The following TPSG1 variants were observed in gnomAD, a reference collection of about 807,000 sequenced individuals.
TPSG1 encodes tryptase gamma 1, also known as tryptase gamma.
In TPSG1, 43 loss-of-function variants were observed where a neutral mutation model predicts 23.8. The observed-to-expected ratio is 1.81, with a 90% CI of 1.42 to 2.33. The LOEUF is 2.33. TPSG1 is among the 30% of genes most tolerant of loss of function. The pLI, the probability that TPSG1 is intolerant of heterozygous loss-of-function variation, is 0.00. For synonymous variants in TPSG1, 302 were observed against 201.3 expected, an observed-to-expected ratio of 1.50 and a Z score of -4.23; for missense variants, 623 against 438.6, an observed-to-expected ratio of 1.42 and a Z score of -3.75.
Position 1,222,072 on chromosome 16 carries a change from A to G in TPSG1, c.682T>C (p.Cys228Arg). 6.2e-7 allele frequency: 1 copy of G among 1,612,834 alleles called. No individual in the cohort carries two copies. The highest frequency in any genetic ancestry group is 8.5e-7 in the Non-Finnish European group (1 of 1,179,996). Residue 228 changes from cysteine (C) to arginine (R), a missense_variant, in exon 6 of 6, where the codon TGC becomes CGC. Physicochemically the swap from Cys to Arg is radical, Grantham distance 180. Coordinates refer to ENST00000234798, the MANE Select transcript of TPSG1 (RefSeq NM_012467.4). ...CQDDSGGPLVCQVNGAWVQAG... is the reference protein window; with the variant it reads ...CQDDSGGPLVRQVNGAWVQAG... ...TGCACCCAGGCACCGTTCACCTGGCAGACCAGAGGCCCCCCGGAGTCGTCC... is the reference window on the plus strand; with the variant it reads ...TGCACCCAGGCACCGTTCACCTGGCGGACCAGAGGCCCCCCGGAGTCGTCC...
Position 1,221,970 on chromosome 16 carries a change from C to T in TPSG1, c.784G>A (p.Val262Met), listed in dbSNP as rs58623186. The T allele has an allele frequency of 2.4e-3, 3,829 of 1,612,320 alleles. 84 individuals carry two copies. The African/African-American group carries it at 0.044, about 19-fold the overall frequency. ...GTGATGTGGCGGCGGATCCAGTTCACGTAGGCAGGGACACGAGTGTAGACT... is the reference window on the plus strand; with the variant it reads ...GTGATGTGGCGGCGGATCCAGTTCATGTAGGCAGGGACACGAGTGTAGACT... ...PGVYTRVPAY[V>M]NWIRRHITAS... is the part of the protein sequence containing the mutation. Residue 262 changes from valine to methionine, a missense_variant, in exon 6 of 6, where the codon GTG becomes ATG. By Grantham distance (21) the Val-to-Met change is conservative. Transcript: ENST00000234798.
In TPSG1 at chr16:1,222,642, G is replaced by A. The variant is rs150720936; in HGVS notation, c.511+10C>T. Reference sequence around the variant, plus strand: ...TCCTCCATCCCAGCATCCCCACGGGGGCTCCTCACCTCCCTCCCGCGTATA... The same window carrying A: ...TCCTCCATCCCAGCATCCCCACGGGAGCTCCTCACCTCCCTCCCGCGTATA... On this transcript the variant is annotated intron_variant, in intron 4 of 5. Coordinates refer to ENST00000234798, the MANE Select transcript of TPSG1 (RefSeq NM_012467.4). The A allele has an allele frequency of 1.3e-6, 2 of 1,535,056 alleles. No homozygotes were observed. The highest frequency in any genetic ancestry group is 1.8e-6 in the Non-Finnish European group (2 of 1,136,740).
chr16:1,223,110 C>T (rs1388885011), intron 3 of TPSG1, among the ~76,000 whole-genome samples, 193 bp from the exon 4 acceptor site: 2 of 152,230 alleles, frequency 1.3e-5, no homozygotes, highest in South Asian at 2.1e-4. Context: ...GGGTTCCTGC[C>T]AGCCCCTGGA....
intron 3 of TPSG1, 103 bp downstream of exon 3, chr16:1,223,320 C>G: frequency 5.1e-6 from 7 of 1,377,260 alleles, no homozygotes; most frequent in South Asian, 3.0e-5. Flanking sequence ...CTCAGAGTTC[C>G]CAAGCCTCGG....
intron 5 of TPSG1, 21 bp from the exon 6 acceptor site, chr16:1,222,117 C>T: frequency 4.3e-6 from 7 of 1,612,474 alleles, no homozygotes; most frequent in African/African-American, 1.3e-5. Context: ...AGAAGGCGAG[C>T]ATTGGGAGCC....
rs138549150 is a variant in TPSG1, at chr16:1,225,217, C to G, written c.36G>C (p.Leu12=). The part of the protein sequence containing the change: ...ALGACGLLLL[L]AVPGVSLRTL... ...GGCCAGGTCACCCACCGGGCACAGC[C>G]AGGAGCAGCAGGAGGCCACAGGCCC... The change falls in exon 1 of 6, where the codon CTG becomes CTC. Residue 12 remains leucine (L), a synonymous_variant. Coordinates refer to ENST00000234798, the MANE Select transcript of TPSG1 (RefSeq NM_012467.4). 2.8e-4 allele frequency: 446 copies of G among 1,577,970 alleles called. No homozygotes were observed. Among genetic ancestry groups the G allele is most frequent in the Non-Finnish European group, 3.7e-4 (428 of 1,162,230 alleles).
intron 2 of TPSG1, chr16:1,223,830 A>T (rs1246625774): frequency 1.9e-6 from 1 of 519,948 alleles, no homozygotes; most frequent in African/African-American, 2.0e-5. Context: ...TCCACAAACT[A>T]ACCAGGGCTC....
rs1035887748 is a variant in TPSG1, at chr16:1,223,435, T to G, written c.233A>C (p.His78Pro). Reference sequence around the variant, plus strand: ...CCCGGACACTCACCCGGAGAAGCAGTGGGCAGCTGTGAGCACCCACTGGGG... The same window carrying G: ...CCCGGACACTCACCCGGAGAAGCAGGGGGCAGCTGTGAGCACCCACTGGGG... The part of the protein sequence containing the change: ...LSPQWVLTAA[H>P]CFSGSLNSSD... The change falls in exon 3 of 6, where the codon CAC (histidine) becomes CCC (proline). Residue 78 changes from histidine to proline, a missense_variant. His to Pro is a moderately conservative substitution (Grantham distance 77). Transcript: ENST00000234798. The G allele has an allele frequency of 2.5e-6, 4 of 1,585,716 alleles. No individual in the cohort carries two copies. The highest frequency in any genetic ancestry group is 3.4e-6 in the Non-Finnish European group (4 of 1,168,294).
intron 3 of TPSG1, 68 bp from the exon 4 acceptor site, chr16:1,222,985 C>T: frequency 6.7e-7 from 1 of 1,488,992 alleles, no homozygotes; most frequent in Non-Finnish European, 9.0e-7. Context: ...CGGCCCCGCC[C>T]AGACCCTACC....
chr16:1,224,876 C>T (rs1252548265), intron 1 of TPSG1: 16 of 601,274 alleles, frequency 2.7e-5, no homozygotes, highest in African/African-American at 5.6e-5. Flanking sequence ...TCCTCCCCGC[C>T]CTCCAGGTCC....
At chr16:1,223,294 A>G in intron 3 of TPSG1, 129 bp downstream of exon 3, 3 of 1,239,702 alleles carry the variant, frequency 2.4e-6, no homozygotes, top group Non-Finnish European at 3.2e-6. Context: ...CTCCCTTTCC[A>G]TTGGAAGGAA....
intron 2 of TPSG1, 146 bp downstream of exon 2, chr16:1,224,456 C>G (rs1257447852): frequency 9.7e-7 from 1 of 1,029,056 alleles, no homozygotes; most frequent in African/African-American, 1.6e-5. Flanking sequence ...CCCACTCAAC[C>G]GAGAGATGCG....
Position 1,222,036 on chromosome 16 carries a change from C to T in TPSG1, c.718G>A (p.Val240Met). 6.2e-7 allele frequency: 1 copy of T among 1,612,744 alleles called. No homozygotes were observed. The highest frequency in any genetic ancestry group is 8.5e-7 in the Non-Finnish European group (1 of 1,179,954). The change falls in exon 6 of 6, where the codon GTG (valine) becomes ATG (methionine). Residue 240 changes from valine to methionine, a missense_variant. Transcript: ENST00000234798. ...VNGAWVQAGT[V>M]SWGEGCGRPN... ...CGGCCGCAGCCCTCACCCCAGCTCA[C>T]AGTGCCAGCCTGCACCCAGGCACCG... is the stretch of plus-strand genomic sequence containing the variant.
intron 3 of TPSG1, 118 bp downstream of exon 3, chr16:1,223,305 G>A (rs2029931704): frequency 1.6e-6 from 2 of 1,287,232 alleles, no homozygotes; most frequent in Middle Eastern, 2.8e-4. Context: ...TTGGAAGGAA[G>A]TAGGCTCAGA....
rs2029897220 is a variant in TPSG1 at position 1,222,926 on chromosome 16, G to GA, written c.246-10dup. ...CGGATGAGTTCAGGGACCTGGGAGGGAAGGTGGCTGGGTGAGAGGGGCCAG... is the reference window on the plus strand; with the variant it reads ...CGGATGAGTTCAGGGACCTGGGAGGGAAAGGTGGCTGGGTGAGAGGGGCCAG... On this transcript the variant is annotated splice_polypyrimidine_tract_variant and intron_variant, in intron 3 of 5. Transcript: ENST00000234798. 1 of 1,588,360 alleles carries GA rather than the reference G, an allele frequency of 6.3e-7. No homozygotes were observed. Among genetic ancestry groups the GA allele is most frequent in the African/African-American group, 1.3e-5 (1 of 74,716 alleles).
At chr16:1,224,672 G>T (rs2141424385) in intron 1 of TPSG1, 44 bp from the exon 2 acceptor site, 1 of 1,613,146 alleles carries the variant, frequency 6.2e-7, no homozygotes, top group Non-Finnish European at 8.5e-7. Context: ...GGCTGCCAAG[G>T]AGAGGGGTGT....
rs1391637611 is a variant in TPSG1 at position 1,223,872 on chromosome 16, C to T, written c.74-278G>A. The T allele has an allele frequency of 1.0e-5, 5 of 488,080 alleles. No individual in the cohort carries two copies. The African/African-American group carries it at 1.0e-4, about 10-fold the overall frequency. 30.2% of individuals were successfully genotyped at this position (488,080 alleles called of 1,614,324 possible). ...GCGGTGGAAAGGCTGCAGAGGGCCC[C>T]TAGGCGGCTAGAAAGGGGCTCAGAA... On this transcript the variant is annotated intron_variant, in intron 2 of 5. Transcript: ENST00000234798.
At chr16:1,225,073 G>C in intron 1 of TPSG1, 134 bp downstream of exon 1, 1 of 1,025,452 alleles carries the variant, frequency 9.8e-7, no homozygotes, top group East Asian at 2.7e-5. Context: ...CTCTTCAGAG[G>C]AGACACGGGG....
chr16:1,223,655 C>T, intron 2 of TPSG1, 61 bp from the exon 3 acceptor site: 1 of 1,506,438 alleles, frequency 6.6e-7, no homozygotes, highest in Non-Finnish European at 8.8e-7. Context: ...GCACTTCCTC[C>T]ATGAAGCCTT....
Sources: allele counts gnomAD v4.1 joint callset (sites outside exome capture counted in the v4.1 genomes callset), GRCh38; gene constraint gnomAD v4.1.1; transcripts MANE v1.5; gene names NCBI Gene and HGNC (gene_info 2026-07-23, HGNC 2026-07-21).